Variants in SHISA9 observed in about 807,000 individuals in gnomAD.
SHISA9 encodes the protein shisa family member 9, also known as protein shisa-9.
A neutral mutation model predicts 38.0 loss-of-function variants in SHISA9; 13 were observed. The observed-to-expected ratio is 0.34, with a 90% CI of 0.22 to 0.54. The LOEUF is 0.54. Among genes scored for constraint, SHISA9 ranks in the 20% least tolerant of loss-of-function variants. The probability of loss-of-function intolerance (pLI) is 0.91; values close to 1 mark genes in which losing one functional copy is unlikely to be tolerated. For synonymous variants in SHISA9, 275 were observed against 242.0 expected (o/e 1.14, Z -1.27); for missense variants, 538 against 575.8 (o/e 0.93, Z 0.67).
chr16:13,390,758 G>A, the SHISA9 span, among the ~76,000 whole-genome samples: 1 of 152,124 alleles, frequency 6.6e-6, no homozygotes, highest in African/African-American at 2.4e-5. Context: ...CAGCACGCTG[G>A]GTGACACCAC....
intron 2 of SHISA9, among the ~76,000 whole-genome samples, chr16:13,001,158 C>T (rs1207336948): frequency 6.6e-6 from 1 of 152,238 alleles, no homozygotes; most frequent in African/African-American, 2.4e-5. Context: ...GAACTCCTGA[C>T]ATCAGGTGAT....
chr16:13,289,358 G>A, the SHISA9 span, among the ~76,000 whole-genome samples: 1 of 132,454 alleles, frequency 7.5e-6, no homozygotes, highest in Admixed American at 8.8e-5. Context: ...CTCAGTTTTG[G>A]TTGGTGGGGG....
intron 2 of SHISA9, among the ~76,000 whole-genome samples, chr16:12,936,141 T>C (rs7184661): frequency 0.13 from 19,505 of 152,054 alleles, 1,535 homozygotes; most frequent in African/African-American, 0.22. Flanking sequence ...AGGTGCTTCG[T>C]TGGGTTCTTG....
At chr16:12,975,662 G>GTGC (rs796967531) in intron 2 of SHISA9, among the ~76,000 whole-genome samples, 1 of 142,248 alleles carries the variant, frequency 7.0e-6, no homozygotes, top group African/African-American at 2.7e-5. Context: ...GGGGCGGGGG[G>GTGC]GGTAAGGGCA....
chr16:13,251,167 C>T, the SHISA9 span, among the ~76,000 whole-genome samples: 1,555 of 152,184 alleles, frequency 0.01, 28 homozygotes, highest in African/African-American at 0.036. Flanking sequence ...TCAAAGATGG[C>T]GGCCTTTGTG....
intron 2 of SHISA9, among the ~76,000 whole-genome samples, chr16:13,045,552 A>G (rs2073177016): frequency 6.6e-6 from 1 of 151,814 alleles, no homozygotes; most frequent in Admixed American, 6.6e-5. Flanking sequence ...CTGGAGTTAC[A>G]ATGGTACACG....
intron 2 of SHISA9, among the ~76,000 whole-genome samples, chr16:13,032,004 C>CT (rs200868558): frequency 0.015 from 2,184 of 147,316 alleles, 86 homozygotes; most frequent in Admixed American, 0.095. Context: ...CAACTTTCAA[C>CT]TTTTTTTTTT....
At chr16:13,513,265 C>T in the SHISA9 span, among the ~76,000 whole-genome samples, 12 of 152,192 alleles carry the variant, frequency 7.9e-5, no homozygotes, top group Non-Finnish European at 8.8e-5. Flanking sequence ...AAAAGCTCAA[C>T]ATCACTGATC....
the SHISA9 span, among the ~76,000 whole-genome samples, chr16:13,336,481 T>A: frequency 1.3e-5 from 2 of 152,236 alleles, no homozygotes; most frequent in African/African-American, 4.8e-5. Context: ...AGTGAATCAT[T>A]CTGATCCCAG....
the SHISA9 span, among the ~76,000 whole-genome samples, chr16:13,523,480 A>C: frequency 3.3e-5 from 5 of 151,682 alleles, no homozygotes; most frequent in Admixed American, 3.3e-4. Flanking sequence ...AGAGAGACTT[A>C]ATTCATTCAT....
chr16:13,227,041 C>T (rs1286518435), intron 4 of SHISA9, among the ~76,000 whole-genome samples: 1 of 152,206 alleles, frequency 6.6e-6, no homozygotes, highest in East Asian at 1.9e-4. Flanking sequence ...CTTTCTGTTA[C>T]TCTTCACCTT....
At chr16:13,041,450 C>T (rs943383824) in intron 2 of SHISA9, among the ~76,000 whole-genome samples, 3 of 152,234 alleles carry the variant, frequency 2.0e-5, no homozygotes, top group Non-Finnish European at 4.4e-5. Context: ...TTTGTCCTCT[C>T]TTTGGCTGTT....
chr16:13,443,171 T>C, the SHISA9 span, among the ~76,000 whole-genome samples: 2 of 152,216 alleles, frequency 1.3e-5, no homozygotes, highest in Non-Finnish European at 2.9e-5. Context: ...GTTTCAGGAA[T>C]CCAACTGTAC....
the SHISA9 span, among the ~76,000 whole-genome samples, chr16:13,339,052 C>G: frequency 3.6e-4 from 55 of 152,198 alleles, no homozygotes; most frequent in African/African-American, 1.2e-3. Context: ...CCTTGCTGAG[C>G]CTTCTCTTGC....
chr16:13,194,393 C>A (rs2050917162), intron 2 of SHISA9, among the ~76,000 whole-genome samples: 1 of 152,198 alleles, frequency 6.6e-6, no homozygotes, highest in African/African-American at 2.4e-5. Context: ...GTCAGACTGT[C>A]AGGTTCAAAG....
chr16:12,959,468 C>G (rs2071879802), intron 2 of SHISA9, among the ~76,000 whole-genome samples: 1 of 152,180 alleles, frequency 6.6e-6, no homozygotes, highest in Non-Finnish European at 1.5e-5. Context: ...TGGAATCACC[C>G]CTCTACTGTC....
the SHISA9 span, among the ~76,000 whole-genome samples, chr16:13,339,038 G>T: frequency 6.6e-6 from 1 of 152,180 alleles, no homozygotes; most frequent in Admixed American, 6.5e-5. Flanking sequence ...ACTGTCACCT[G>T]TCCCCTTGCT....
chr16:13,019,820 CTTTCT>C (rs2072807731), intron 2 of SHISA9, among the ~76,000 whole-genome samples: 1 of 129,148 alleles, frequency 7.7e-6, no homozygotes, highest in African/African-American at 3.0e-5. Flanking sequence ...TTCTTTCTTT[CTTTCT>C]TTCTTTCTTT....
intron 2 of SHISA9, among the ~76,000 whole-genome samples, chr16:13,108,127 T>C (rs1230893): frequency 0.23 from 33,478 of 148,606 alleles, 3,964 homozygotes; most frequent in Non-Finnish European, 0.25. Flanking sequence ...AGAGCCCCCC[T>C]CCGGCCCCAC....
Sources: allele counts gnomAD v4.1 joint callset (sites outside exome capture counted in the v4.1 genomes callset), GRCh38; gene constraint gnomAD v4.1.1; transcripts MANE v1.5; gene names NCBI Gene and HGNC (gene_info 2026-07-23, HGNC 2026-07-21).